Variants in ADGRL2 observed in about 807,000 individuals in gnomAD.
ADGRL2 encodes the protein adhesion G protein-coupled receptor L2, also known as calcium-independent alpha-latrotoxin receptor 2.
Under a neutral mutation model 157.4 loss-of-function variants are expected in ADGRL2, and 44 were observed. That is an observed-to-expected ratio of 0.28 (90% CI 0.22 to 0.36). The LOEUF (loss-of-function observed/expected upper bound fraction) is 0.36, where lower values mean the gene tolerates loss of function less well. Ranked by LOEUF, ADGRL2 falls within the 10% of genes least tolerant of loss-of-function variation. The pLI, the probability that ADGRL2 is intolerant of heterozygous loss-of-function variation, is 1.00. For synonymous variants in ADGRL2, 585 were observed against 624.7 expected, an observed-to-expected ratio of 0.94 and a Z score of 0.95; for missense variants, 1,510 against 1,768.9, an observed-to-expected ratio of 0.85 and a Z score of 2.63.
chr1:81,421,809 G>T (rs1216352975), intron 1 of ADGRL2, among the ~76,000 whole-genome samples: 1 of 151,876 alleles, frequency 6.6e-6, no homozygotes, highest in Non-Finnish European at 1.5e-5. Context: ...GCATACAACA[G>T]ACTGCATTCA....
intron 2 of ADGRL2, among the ~76,000 whole-genome samples, chr1:81,518,790 C>T (rs1386446634): frequency 7.1e-6 from 1 of 140,464 alleles, no homozygotes; most frequent in African/African-American, 2.9e-5. Flanking sequence ...AGAGTGAGAC[C>T]TTGTCTCAAA....
At chr1:81,596,739 C>A (rs1180785174) in intron 3 of ADGRL2, among the ~76,000 whole-genome samples, 3 of 151,694 alleles carry the variant, frequency 2.0e-5, no homozygotes, top group African/African-American at 7.3e-5. Flanking sequence ...GCAACAGAAA[C>A]TTTTGGCACA....
At chr1:81,747,044 G>A (rs2085297180) in intron 1 of ADGRL2, among the ~76,000 whole-genome samples, 1 of 144,980 alleles carries the variant, frequency 6.9e-6, no homozygotes, top group African/African-American at 2.5e-5. Flanking sequence ...GTATATATAT[G>A]TATATACGTA....
rs145499657 is a variant in ADGRL2, at chr1:81,552,202, TGA to T, written c.-247-28670_-247-28669del. ...TCCACTAGGCCCGAGAAGAGTCTAT[TGA>T]GAGTCTCAGCCTTTTTCTTCCTGCC... On this transcript the variant is annotated intron_variant, in intron 2 of 24. Coordinates refer to the ADGRL2 transcript ENST00000370721. Among the ~76,000 whole-genome samples, 1,178 of 152,278 alleles carry T rather than the reference TGA, an allele frequency of 7.7e-3. 15 individuals carry two copies. The highest frequency in any genetic ancestry group is 0.027 in the African/African-American group (1,133 of 41,554).
chr1:81,587,444 G>A (rs1262901154), intron 3 of ADGRL2, among the ~76,000 whole-genome samples: 1 of 152,000 alleles, frequency 6.6e-6, no homozygotes, highest in Non-Finnish European at 1.5e-5. Context: ...GGAAGAAGTG[G>A]CCATTCCAGG....
chr1:81,408,274 A>G (rs1231267681), intron 1 of ADGRL2, among the ~76,000 whole-genome samples: 1 of 152,160 alleles, frequency 6.6e-6, no homozygotes, highest in East Asian at 1.9e-4. Flanking sequence ...TACAGCAAAA[A>G]CATAAGCAAT....
chr1:81,535,281 A>G (rs2079707213), intron 2 of ADGRL2, among the ~76,000 whole-genome samples: 1 of 152,184 alleles, frequency 6.6e-6, no homozygotes, highest in Non-Finnish European at 1.5e-5. Context: ...AAAATTTTAA[A>G]TATCTCTTTG....
intron 3 of ADGRL2, among the ~76,000 whole-genome samples, chr1:81,630,584 T>C (rs1257222942): frequency 6.6e-6 from 1 of 152,328 alleles, no homozygotes; most frequent in East Asian, 1.9e-4. Flanking sequence ...GAGTTTCTTT[T>C]ATGCCTCAGT....
At chr1:81,862,197 A>G (rs2093412322) in intron 2 of ADGRL2, among the ~76,000 whole-genome samples, 1 of 152,200 alleles carries the variant, frequency 6.6e-6, no homozygotes, top group South Asian at 2.1e-4. Context: ...AATTTAAAAA[A>G]GAGACTAAGA....
rs757239872 is a variant in ADGRL2, at chr1:81,970,310, G to A, written c.2734-4G>A. ...TTTGTGTTTTTTGTTCTTTTCCCCC[G>A]TAGATTGCATGCCCAATATTTGCAG... On this transcript the variant is annotated splice_region_variant and splice_polypyrimidine_tract_variant and intron_variant, in intron 15 of 23. Coordinates refer to ENST00000686636, the MANE Select transcript of ADGRL2 (RefSeq NM_001366006.2). 2.5e-5 allele frequency: 40 copies of A among 1,605,600 alleles called. No homozygotes were observed. The highest frequency in any genetic ancestry group is 1.3e-4 in the African/African-American group (10 of 74,288).
At position 81,783,357 on chromosome 1, in the gene ADGRL2, T is replaced by C. The variant is rs2086896924; in HGVS notation, c.-101+21505T>C. Among the ~76,000 whole-genome samples the C allele has an allele frequency of 2.0e-5, 3 of 152,204 alleles. No homozygotes were observed. In the South Asian group the frequency reaches 6.2e-4, roughly 32 times the overall value. ...GTTGCCCATGCTGGTCTCGAACTCCTGAATTTAGGTAATCCACCCATCTCG... is the reference window on the plus strand; with the variant it reads ...GTTGCCCATGCTGGTCTCGAACTCCCGAATTTAGGTAATCCACCCATCTCG... On this transcript the variant is annotated intron_variant, in intron 2 of 20. Coordinates refer to the ADGRL2 transcript ENST00000359929.
At chr1:81,495,816 C>T (rs1029061134) in intron 2 of ADGRL2, among the ~76,000 whole-genome samples, 1 of 152,128 alleles carries the variant, frequency 6.6e-6, no homozygotes, top group African/African-American at 2.4e-5. Flanking sequence ...TAAAGTTATA[C>T]AGAAAACACC....
At chr1:81,978,999 A>G (rs1025210087) in intron 17 of ADGRL2, among the ~76,000 whole-genome samples, 1 of 151,696 alleles carries the variant, frequency 6.6e-6, no homozygotes, top group Non-Finnish European at 1.5e-5. Context: ...CTATTTTTGG[A>G]GCATAAAAAT....
At position 81,579,066 on chromosome 1, in the gene ADGRL2, C is replaced by A. The variant is rs181712260; in HGVS notation, c.-247-1810C>A. 1.3e-5 allele frequency among the ~76,000 whole-genome samples: 2 copies of A among 152,200 alleles called. 1 individual carries two copies. The highest frequency in any genetic ancestry group is 1.3e-4 in the Admixed American group (2 of 15,266). The stretch of plus-strand genomic sequence containing the variant: ...GCTAGTACCTCAGTTGAATGTTTTC[C>A]TTTGTTTACCTATGGGGAGTTCATT... On this transcript the variant is annotated intron_variant, in intron 2 of 24. Coordinates refer to the ADGRL2 transcript ENST00000370721.
chr1:81,487,628 G>C (rs1477654611), intron 2 of ADGRL2, among the ~76,000 whole-genome samples: 1 of 150,980 alleles, frequency 6.6e-6, no homozygotes, highest in Non-Finnish European at 1.5e-5. Context: ...CTGGGAGACA[G>C]AGCAAGACTC....
chr1:81,816,899 A>T (rs182879492), intron 1 of ADGRL2, among the ~76,000 whole-genome samples: 1 of 151,958 alleles, frequency 6.6e-6, no homozygotes, highest in Non-Finnish European at 1.5e-5. Context: ...TTAAAGCTTC[A>T]ACATTTTCTT....
At chr1:81,643,497 T>TG (rs907183116) in intron 3 of ADGRL2, among the ~76,000 whole-genome samples, 4 of 152,020 alleles carry the variant, frequency 2.6e-5, no homozygotes, top group Non-Finnish European at 5.9e-5. Flanking sequence ...TTTTTAGAGA[T>TG]GGGGTCTCAC....
At chr1:81,775,068 A>T (rs2086523306) in intron 2 of ADGRL2, among the ~76,000 whole-genome samples, 1 of 152,152 alleles carries the variant, frequency 6.6e-6, no homozygotes, top group East Asian at 1.9e-4. Context: ...ATTCATATCG[A>T]TATAAATTGT....
rs577073531 is a variant in ADGRL2, at chr1:81,383,953, CA to C, written c.-301-61069del. Among the ~76,000 whole-genome samples the C allele has an allele frequency of 1.6e-3, 138 of 83,764 alleles. 1 individual carries two copies. The highest frequency in any genetic ancestry group is 7.2e-3 in the Middle Eastern group (1 of 138). The allele number at this position is 83,764 out of a possible 152,430, so 55.0% of individuals were successfully genotyped here. A position where few individuals can be genotyped will look rare whatever the true frequency, so the allele number is the denominator to read the frequency against. ...TGGGCAACAGAGCAAGACTCTGTCTCAAAAAAAAAAAAAAGAAAAGAAAAGA... is the reference window on the plus strand; with the variant it reads ...TGGGCAACAGAGCAAGACTCTGTCTCAAAAAAAAAAAAAGAAAAGAAAAGA... On this transcript the variant is annotated intron_variant, in intron 1 of 24. Transcript: ENST00000370721.
Sources: gnomAD v4.1 joint callset for allele counts (sites outside exome capture counted in the v4.1 genomes callset) on GRCh38, gnomAD v4.1.1 for gene constraint, MANE v1.5 for transcripts, NCBI Gene and HGNC (gene_info 2026-07-23, HGNC 2026-07-21) for gene names.